The following RGS6 variants were observed in gnomAD, a reference collection of about 807,000 sequenced individuals.
RGS6 encodes regulator of G protein signaling 6.
Under a neutral mutation model 78.5 loss-of-function variants are expected in RGS6, and 30 were observed. That is an observed-to-expected ratio of 0.38 (90% CI 0.29 to 0.52). The LOEUF is 0.52. Among genes scored for constraint, RGS6 ranks in the 20% least tolerant of loss-of-function variants. The pLI is 0.85. For missense variants in RGS6, 495 were observed against 609.7 expected (o/e 0.81, Z 1.98); for synonymous variants, 206 against 206.0 (o/e 1.00, Z 0.00).
intron 15 of RGS6, among the ~76,000 whole-genome samples, chr14:72,525,180 G>A (rs944795635): frequency 6.6e-5 from 10 of 152,198 alleles, no homozygotes; most frequent in Non-Finnish European, 1.2e-4. Context: ...AGAAGCGGGG[G>A]ACAATTTGTC....
At chr14:72,531,139 G>A (rs138557220) in intron 15 of RGS6, among the ~76,000 whole-genome samples, 79 of 152,230 alleles carry the variant, frequency 5.2e-4, no homozygotes, top group East Asian at 3.1e-3. Flanking sequence ...TCAGAACCAG[G>A]CCACTATTGG....
At chr14:72,357,708 C>G (rs2080614646) in intron 3 of RGS6, among the ~76,000 whole-genome samples, 1 of 151,972 alleles carries the variant, frequency 6.6e-6, no homozygotes, top group South Asian at 2.1e-4. Flanking sequence ...TCTCTGGACA[C>G]AAGAGAGCAT....
At chr14:72,230,028 C>T (rs1346897574) in intron 2 of RGS6, among the ~76,000 whole-genome samples, 1 of 152,194 alleles carries the variant, frequency 6.6e-6, no homozygotes, top group Non-Finnish European at 1.5e-5. Flanking sequence ...ATGAATCAAC[C>T]AATGACTCAG....
chr14:71,954,469 G>A (rs774394288), intron 1 of RGS6, among the ~76,000 whole-genome samples: 1 of 152,014 alleles, frequency 6.6e-6, no homozygotes, highest in South Asian at 2.1e-4. Context: ...GTACATATGT[G>A]TATACTTATG....
At chr14:72,118,871 C>T (rs2095975951) in intron 2 of RGS6, among the ~76,000 whole-genome samples, 1 of 152,196 alleles carries the variant, frequency 6.6e-6, no homozygotes, top group South Asian at 2.1e-4. Flanking sequence ...AGTTATTTAT[C>T]TGAGAGAACT....
the RGS6 span, among the ~76,000 whole-genome samples, chr14:72,615,017 G>A: frequency 1.3e-5 from 2 of 151,964 alleles, no homozygotes; most frequent in Non-Finnish European, 2.9e-5. Context: ...GCCAGGCCTG[G>A]GACTTGCGGC....
the RGS6 span, among the ~76,000 whole-genome samples, chr14:72,613,677 C>G: frequency 6.6e-6 from 1 of 152,174 alleles, no homozygotes; most frequent in South Asian, 2.1e-4. Flanking sequence ...CACTCACTTC[C>G]AAATCTTTCC....
At chr14:72,612,404 C>T in the RGS6 span, 2 of 509,596 alleles carry the variant, frequency 3.9e-6, no homozygotes, top group African/African-American at 1.9e-5. Flanking sequence ...CATGCTCTTG[C>T]TCACATATCA....
intron 2 of RGS6, among the ~76,000 whole-genome samples, chr14:72,134,934 G>A (rs1344341331): frequency 6.6e-6 from 1 of 152,170 alleles, no homozygotes; most frequent in African/African-American, 2.4e-5. Flanking sequence ...ACATTGGTGA[G>A]GGCAGATGTA....
chr14:72,487,631 A>AG (rs1308751167), intron 12 of RGS6, among the ~76,000 whole-genome samples: 1 of 152,192 alleles, frequency 6.6e-6, no homozygotes, highest in Non-Finnish European at 1.5e-5. Context: ...TGCAGATGGA[A>AG]GGGGGCCACG....
intron 2 of RGS6, among the ~76,000 whole-genome samples, chr14:72,119,212 G>A (rs1447119741): frequency 2.6e-5 from 4 of 152,104 alleles, no homozygotes; most frequent in Non-Finnish European, 4.4e-5. Context: ...GAAACTTTTG[G>A]GCTGGAGCAT....
At chr14:72,211,112 T>A (rs763636605) in intron 2 of RGS6, among the ~76,000 whole-genome samples, 52 of 152,180 alleles carry the variant, frequency 3.4e-4, no homozygotes, top group Non-Finnish European at 6.5e-4. Context: ...ACAGAGCAGG[T>A]CACTGACACT....
At chr14:72,370,184 G>A (rs1287097612) in intron 3 of RGS6, among the ~76,000 whole-genome samples, 1 of 151,780 alleles carries the variant, frequency 6.6e-6, no homozygotes, top group African/African-American at 2.4e-5. Context: ...TGTCACTGGA[G>A]AGTTAACAAG....
At chr14:72,536,588 G>A (rs1373253307) in intron 16 of RGS6, among the ~76,000 whole-genome samples, 3 of 152,018 alleles carry the variant, frequency 2.0e-5, no homozygotes, top group African/African-American at 7.3e-5. Flanking sequence ...AGGAGTGCAG[G>A]GCTGGCAGTA....
intron 12 of RGS6, among the ~76,000 whole-genome samples, chr14:72,484,050 C>A (rs1261266015): frequency 6.6e-6 from 1 of 152,018 alleles, no homozygotes; most frequent in Non-Finnish European, 1.5e-5. Context: ...CTCTGCTTCT[C>A]ATTTTCCTTT....
intron 2 of RGS6, among the ~76,000 whole-genome samples, chr14:72,342,595 T>C (rs905785975): frequency 5.5e-5 from 8 of 146,376 alleles, no homozygotes; most frequent in African/African-American, 2.0e-4. Context: ...CCAGGCGTGG[T>C]GGTGGATGCC....
At chr14:72,010,746 C>T (rs995726348) in intron 2 of RGS6, among the ~76,000 whole-genome samples, 2 of 152,208 alleles carry the variant, frequency 1.3e-5, no homozygotes, top group African/African-American at 4.8e-5. Flanking sequence ...AGGGCAGTTT[C>T]AATCTTCAAT....
At chr14:72,290,931 C>T (rs2063467950) in intron 2 of RGS6, among the ~76,000 whole-genome samples, 1 of 152,096 alleles carries the variant, frequency 6.6e-6, no homozygotes, top group Non-Finnish European at 1.5e-5. Flanking sequence ...ATCTAGGGAT[C>T]CAGACTCTCA....
At chr14:72,426,872 G>C (rs2094453700) in intron 3 of RGS6, among the ~76,000 whole-genome samples, 1 of 152,194 alleles carries the variant, frequency 6.6e-6, no homozygotes, top group African/African-American at 2.4e-5. Context: ...ATCCCAAAAG[G>C]TGGAACAGAA....
Sources: gnomAD v4.1 joint callset for allele counts (sites outside exome capture counted in the v4.1 genomes callset) on GRCh38, gnomAD v4.1.1 for gene constraint, MANE v1.5 for transcripts, NCBI Gene and HGNC (gene_info 2026-07-23, HGNC 2026-07-21) for gene names.